The following PHF21A variants were observed in gnomAD, a reference collection of about 807,000 sequenced individuals.
The protein encoded by PHF21A is PHD finger protein 21A.
In PHF21A, 11 loss-of-function variants were observed where a neutral mutation model predicts 82.5. The ratio of observed to expected loss-of-function variants is 0.13; its 90% confidence interval spans 0.08 to 0.22. PHF21A has a LOEUF of 0.22. Among genes scored for constraint, PHF21A ranks in the 10% least tolerant of loss-of-function variants. PHF21A has a pLI of 1.00. For synonymous variants in PHF21A, 297 were observed against 302.8 expected, an observed-to-expected ratio of 0.98 and a Z score of 0.20; for missense variants, 579 against 837.8, an observed-to-expected ratio of 0.69 and a Z score of 3.81.
At chr11:45,964,502 AGACT>A (rs776882376) in intron 10 of PHF21A, among the ~76,000 whole-genome samples, 6 of 152,198 alleles carry the variant, frequency 3.9e-5, no homozygotes, top group Non-Finnish European at 8.8e-5. Context: ...GGATCACCAC[AGACT>A]ATTTTCAGAT....
intron 6 of PHF21A, among the ~76,000 whole-genome samples, chr11:45,999,668 T>C (rs2095049295): frequency 6.6e-6 from 1 of 152,190 alleles, no homozygotes; most frequent in Non-Finnish European, 1.5e-5. Context: ...ACAATGTCAA[T>C]AACATGCAGA....
chr11:45,982,804 T>C (rs552419348), intron 6 of PHF21A, among the ~76,000 whole-genome samples: 11 of 151,558 alleles, frequency 7.3e-5, no homozygotes, highest in African/African-American at 2.4e-4. Context: ...CCAAAACAGA[T>C]CAAATCAGAA....
At chr11:45,943,538 A>G (rs758708353) in intron 15 of PHF21A, among the ~76,000 whole-genome samples, 6 of 152,142 alleles carry the variant, frequency 3.9e-5, no homozygotes, top group Non-Finnish European at 7.3e-5. Flanking sequence ...TCCTGCTTCC[A>G]TCCTATTTTC....
At chr11:46,012,242 CTT>C (rs2095428003) in intron 6 of PHF21A, among the ~76,000 whole-genome samples, 1 of 152,218 alleles carries the variant, frequency 6.6e-6, no homozygotes, top group Admixed American at 6.5e-5. Flanking sequence ...TTCCTGACCT[CTT>C]TGTGCAGCTG....
At chr11:46,050,893 G>A (rs1348933746) in intron 6 of PHF21A, among the ~76,000 whole-genome samples, 1 of 152,180 alleles carries the variant, frequency 6.6e-6, no homozygotes, top group Non-Finnish European at 1.5e-5. Flanking sequence ...AGAGGCAGCT[G>A]CTGGATTAAC....
intron 6 of PHF21A, among the ~76,000 whole-genome samples, chr11:46,066,864 CA>C (rs1179922158): frequency 1.3e-5 from 2 of 152,116 alleles, no homozygotes; most frequent in African/African-American, 2.4e-5. Flanking sequence ...CATGCATTTT[CA>C]AGTATAAATG....
intron 1 of PHF21A, among the ~76,000 whole-genome samples, chr11:46,118,385 C>A (rs1292550383): frequency 7.1e-6 from 1 of 141,664 alleles, no homozygotes; most frequent in Non-Finnish European, 1.5e-5. Context: ...ACTGTAAATA[C>A]TATTATGTTA....
At chr11:46,051,682 T>C (rs193299849) in intron 6 of PHF21A, among the ~76,000 whole-genome samples, 2 of 152,276 alleles carry the variant, frequency 1.3e-5, no homozygotes, top group East Asian at 1.9e-4. Context: ...AGGAAGAGAA[T>C]GGTCATCATG....
chr11:45,936,393 T>TTTTAAATTTAAA, intron 17 of PHF21A, 101 bp downstream of exon 17: 1 of 749,174 alleles, frequency 1.3e-6, no homozygotes, highest in Non-Finnish European at 2.2e-6. Context: ...AGGTTTTCAT[T>TTTTAAATTTAAA]TTTAAATTTA....
intron 6 of PHF21A, among the ~76,000 whole-genome samples, chr11:45,981,332 G>GC (rs2094271863): frequency 7.1e-6 from 1 of 140,306 alleles, no homozygotes; most frequent in South Asian, 2.3e-4. Flanking sequence ...GTTGCAGTGA[G>GC]CCAAGATCAT....
intron 10 of PHF21A, among the ~76,000 whole-genome samples, chr11:45,957,642 C>CA (rs2092735466): frequency 6.8e-6 from 1 of 148,102 alleles, no homozygotes; most frequent in Admixed American, 6.9e-5. Flanking sequence ...AAGCAGTACT[C>CA]AGAGGGAAAC....
At chr11:46,013,776 G>A (rs1306145112) in intron 6 of PHF21A, among the ~76,000 whole-genome samples, 1 of 152,044 alleles carries the variant, frequency 6.6e-6, no homozygotes, top group Admixed American at 6.6e-5. Context: ...AGGTAACAAT[G>A]GTAAGTATTT....
rs1241846601 is a variant in PHF21A at position 45,932,058 on chromosome 11, G to A, written c.*1910C>T. On this transcript the variant is annotated 3_prime_UTR_variant, in exon 19 of 19. Coordinates refer to ENST00000676320, the MANE Select transcript of PHF21A (RefSeq NM_001352027.3). The surrounding 1 kb of genome is among the most constrained non-coding windows in gnomAD (Gnocchi z 4.3). ...GACCTCTCCCCAAAGGCAAGACAGAGCGAAGGCCACGCTGGGGCTCTGTCT... is the reference window on the plus strand; with the variant it reads ...GACCTCTCCCCAAAGGCAAGACAGAACGAAGGCCACGCTGGGGCTCTGTCT... 1 of 152,258 alleles carries A rather than the reference G, an allele frequency of 6.6e-6. No homozygotes were observed. The highest frequency in any genetic ancestry group is 2.4e-5 in the African/African-American group (1 of 41,460). 9.4% of individuals were successfully genotyped at this position (152,258 alleles called of 1,614,324 possible).
chr11:45,964,893 CTT>C (rs2093340088), intron 10 of PHF21A, among the ~76,000 whole-genome samples: 2 of 152,168 alleles, frequency 1.3e-5, no homozygotes, highest in East Asian at 1.9e-4. Flanking sequence ...AAAGAAAAGT[CTT>C]TGAAATGAAA....
intron 6 of PHF21A, among the ~76,000 whole-genome samples, chr11:46,007,133 C>T (rs11827687): frequency 0.12 from 18,357 of 152,068 alleles, 1,324 homozygotes; most frequent in African/African-American, 0.22. Flanking sequence ...CATAACGTGA[C>T]GAGACATCTA....
rs1398862922 is a variant in PHF21A, at chr11:46,121,283, C to G, written c.-585G>C. 6.5e-6 allele frequency: 1 copy of G among 152,764 alleles called. No individual in the cohort carries two copies. Among genetic ancestry groups the G allele is most frequent in the Non-Finnish European group, 1.5e-5 (1 of 68,904 alleles). 9.5% of individuals were successfully genotyped at this position (152,764 alleles called of 1,614,324 possible). On this transcript the variant is annotated 5_prime_UTR_variant, in exon 1 of 19. Coordinates refer to ENST00000676320, the MANE Select transcript of PHF21A (RefSeq NM_001352027.3). ...TGGGGGGAGGAACTGGATCCTCCTCCTCCTCCAGGAGGGACACACACAGGC... is the reference window on the plus strand; with the variant it reads ...TGGGGGGAGGAACTGGATCCTCCTCGTCCTCCAGGAGGGACACACACAGGC...
chr11:45,987,421 G>A (rs1213164750), intron 6 of PHF21A, among the ~76,000 whole-genome samples: 1 of 151,578 alleles, frequency 6.6e-6, no homozygotes, highest in East Asian at 1.9e-4. Flanking sequence ...TGGCACTTTG[G>A]GAGGCCGAGG....
intron 8 of PHF21A, chr11:45,970,720 T>C (rs1565327043): frequency 6.1e-6 from 1 of 163,542 alleles, no homozygotes; most frequent in Non-Finnish European, 1.3e-5. Context: ...ACTAAAAGAA[T>C]TATCAGGGAG....
chr11:45,945,880 G>A lies in PHF21A; in HGVS notation c.1412C>T (p.Pro471Leu). The change falls in exon 15 of 19, where the codon CCT (proline) becomes CTT (leucine). Residue 471 changes from proline (P) to leucine (L), a missense_variant. Coordinates refer to ENST00000676320, the MANE Select transcript of PHF21A (RefSeq NM_001352027.3). Reference sequence around the variant, plus strand: ...GCTGGGCAGGGACACAGGCTGAACAGGTGCAGGGAAAGTGAATGTGGTCTC... The same window carrying A: ...GCTGGGCAGGGACACAGGCTGAACAAGTGCAGGGAAAGTGAATGTGGTCTC... Reference protein sequence around the residue: ...KTETTFTFPAPVQPVSLPSPT... With the variant: ...KTETTFTFPALVQPVSLPSPT... The A allele has an allele frequency of 9.3e-6, 15 of 1,608,806 alleles. No homozygotes were observed. The highest frequency in any genetic ancestry group is 1.2e-5 in the Non-Finnish European group (14 of 1,177,316).
Sources: gnomAD v4.1 joint callset for allele counts (sites outside exome capture counted in the v4.1 genomes callset) on GRCh38, gnomAD v4.1.1 for gene constraint, Gnocchi (gnomAD v3.1) non-coding constraint, MANE v1.5 for transcripts, NCBI Gene and HGNC (gene_info 2026-07-23, HGNC 2026-07-21) for gene names.